PAM: variants seen among roughly 807,000 people sequenced by gnomAD.
PAM encodes peptidylglycine alpha-amidating monooxygenase.
In PAM, 72 loss-of-function variants were observed where a neutral mutation model predicts 122.1. That is an observed-to-expected ratio of 0.59 (90% CI 0.49 to 0.72). PAM has a LOEUF of 0.72. Ranked by LOEUF, PAM falls within the 30% of genes least tolerant of loss-of-function variation. The pLI, the probability that PAM is intolerant of heterozygous loss-of-function variation, is 0.00. For missense variants in PAM, 1,106 were observed against 1,183.7 expected (o/e 0.93, Z 0.96); for synonymous variants, 389 against 404.4 (o/e 0.96, Z 0.46).
intron 12 of PAM, among the ~76,000 whole-genome samples, chr5:102,954,154 A>G (rs1426366680): frequency 1.3e-5 from 2 of 152,256 alleles, no homozygotes; most frequent in African/African-American, 4.8e-5. Context: ...ATATTACAAA[A>G]TTATTTTTTA....
chr5:102,992,605 A>C (rs908450328), intron 16 of PAM, among the ~76,000 whole-genome samples: 1 of 152,148 alleles, frequency 6.6e-6, no homozygotes, highest in East Asian at 1.9e-4. Context: ...TGGATGAAGT[A>C]TATCGGGTTT....
At position 103,025,312 on chromosome 5, in the gene PAM, G is replaced by GA. The variant is rs780461521; in HGVS notation, c.2673dup (p.Ser892IlefsTer8). ...TGGCCATTGCCATATTTATTCGGTG[G>GA]AAAAAATCAAGGGCCTTTGGAGGCA... On this transcript the variant is annotated frameshift_variant, in exon 24 of 26. Coordinates refer to ENST00000438793, the MANE Select transcript of PAM (RefSeq NM_001177306.2). LOFTEE classifies it high-confidence loss of function. 6.2e-7 allele frequency: 1 copy of GA among 1,613,512 alleles called. No homozygotes were observed. The highest frequency in any genetic ancestry group is 1.7e-5 in the Admixed American group (1 of 59,976).
chr5:102,781,560 C>T (rs1211355451), intron 1 of PAM, among the ~76,000 whole-genome samples: 1 of 152,102 alleles, frequency 6.6e-6, no homozygotes, highest in African/African-American at 2.4e-5. Context: ...CTTTGGTGTC[C>T]CCTGTGCTGT....
chr5:102,760,963 G>T (rs1388218907), intron 1 of PAM, among the ~76,000 whole-genome samples: 1 of 152,218 alleles, frequency 6.6e-6, no homozygotes, highest in African/African-American at 2.4e-5. Context: ...ATTAGGATCT[G>T]TGCCCAAAGG....
intron 1 of PAM, among the ~76,000 whole-genome samples, chr5:102,770,432 C>T (rs1470694383): frequency 6.6e-6 from 1 of 152,002 alleles, no homozygotes; most frequent in Admixed American, 6.6e-5. Flanking sequence ...AGTGGGCCTC[C>T]TTGTCATAAA....
chr5:103,017,599 A>G (rs545639132), intron 22 of PAM, among the ~76,000 whole-genome samples, 166 bp downstream of exon 22: 2 of 152,336 alleles, frequency 1.3e-5, no homozygotes, highest in South Asian at 4.1e-4. Context: ...AAGTGGAAAG[A>G]AACGATTTTT....
chr5:102,767,278 C>G (rs918999187), intron 1 of PAM, among the ~76,000 whole-genome samples: 2 of 151,976 alleles, frequency 1.3e-5, no homozygotes, highest in Non-Finnish European at 2.9e-5. Context: ...GAGTTGGACA[C>G]ATTTTGAACG....
At chr5:103,019,243 T>C (rs1400894099) in intron 22 of PAM, among the ~76,000 whole-genome samples, 11 of 152,204 alleles carry the variant, frequency 7.2e-5, no homozygotes, top group Admixed American at 7.2e-4. Context: ...CCAAGTGACT[T>C]TGGTACATCT....
intron 11 of PAM, among the ~76,000 whole-genome samples, chr5:102,950,329 A>G (rs1192087312): frequency 6.6e-6 from 1 of 152,056 alleles, no homozygotes. Context: ...GTCATAAAGT[A>G]GAAGTTATTA....
chr5:102,852,455 A>G (rs973375158), intron 1 of PAM, among the ~76,000 whole-genome samples: 10 of 152,042 alleles, frequency 6.6e-5, no homozygotes, highest in African/African-American at 1.4e-4. Flanking sequence ...ATTTTTTTCA[A>G]TCTTTAAAAA....
intron 1 of PAM, among the ~76,000 whole-genome samples, chr5:102,820,467 A>G (rs1771476549): frequency 6.6e-6 from 1 of 152,212 alleles, no homozygotes; most frequent in African/African-American, 2.4e-5. Flanking sequence ...ATGCTCACCC[A>G]ATTTTAATGC....
At chr5:102,835,677 T>G (rs1318917199) in intron 1 of PAM, among the ~76,000 whole-genome samples, 2 of 152,068 alleles carry the variant, frequency 1.3e-5, no homozygotes, top group Non-Finnish European at 2.9e-5. Context: ...AAAAAAGATT[T>G]CACTATGAAA....
chr5:102,939,543 A>G (rs1297373715), intron 7 of PAM, among the ~76,000 whole-genome samples: 2 of 152,174 alleles, frequency 1.3e-5, no homozygotes, highest in Non-Finnish European at 2.9e-5. Flanking sequence ...GAGAGAATTC[A>G]GGTCACTGAA....
Position 103,029,086 on chromosome 5 carries a change from TTGAG to T in PAM, c.*23_*26del, listed in dbSNP as rs1293875364. The T allele has an allele frequency of 2.5e-5, 39 of 1,585,254 alleles. No individual in the cohort carries two copies. Among genetic ancestry groups the T allele is most frequent in the Non-Finnish European group, 3.2e-5 (37 of 1,166,216 alleles). On this transcript the variant is annotated 3_prime_UTR_variant, in exon 26 of 26. Coordinates refer to ENST00000438793, the MANE Select transcript of PAM (RefSeq NM_001177306.2). Reference sequence around the variant, plus strand: ...CCTGAAAACCAAGCTTTGATTTAGATTGAGTAAGATTTACCCAGAATGTCAGATT... The same window carrying T: ...CCTGAAAACCAAGCTTTGATTTAGATTAAGATTTACCCAGAATGTCAGATT...
chr5:102,866,557 A>C, intron 2 of PAM: 3 of 447,868 alleles, frequency 6.7e-6, no homozygotes, highest in Non-Finnish European at 8.2e-6. Flanking sequence ...ACTACAATAT[A>C]TTCGCTTAGT....
intron 14 of PAM, among the ~76,000 whole-genome samples, chr5:102,973,897 A>G (rs1766705008): frequency 6.6e-6 from 1 of 152,206 alleles, no homozygotes. Flanking sequence ...TAATATGTCA[A>G]TAGATGTTAT....
rs528384213 is a variant in PAM at position 102,803,087 on chromosome 5, C to T, written c.-374+47739C>T. On this transcript the variant is annotated intron_variant, in intron 1 of 25. Transcript: ENST00000438793. ...GCAGTGTGCTGTAATAGTGCCATTG[C>T]ACTCCAGCCTGGGCAACAGAGAGAG... 3.3e-5 allele frequency among the ~76,000 whole-genome samples: 5 copies of T among 150,830 alleles called. No homozygotes were observed. The South Asian group carries it at 1.0e-3, about 31-fold the overall frequency.
intron 5 of PAM, among the ~76,000 whole-genome samples, chr5:102,919,772 C>T (rs1746729643): frequency 6.6e-6 from 1 of 152,052 alleles, no homozygotes; most frequent in Non-Finnish European, 1.5e-5. Context: ...ATTTTTAAAA[C>T]ACAGTTGGTC....
At chr5:102,904,553 C>T (rs1272625849) in intron 4 of PAM, among the ~76,000 whole-genome samples, 2 of 151,448 alleles carry the variant, frequency 1.3e-5, no homozygotes, top group Admixed American at 6.6e-5. Context: ...TTATGAAAAG[C>T]CATTGTGCAT....
Sources: allele counts gnomAD v4.1 joint callset (sites outside exome capture counted in the v4.1 genomes callset), GRCh38; gene constraint gnomAD v4.1.1; transcripts MANE v1.5; gene names NCBI Gene and HGNC (gene_info 2026-07-23, HGNC 2026-07-21).